The following ROBO2 variants were observed in gnomAD, a reference collection of about 807,000 sequenced individuals.
ROBO2 encodes the protein roundabout homolog 2.
In ROBO2, 53 loss-of-function variants were observed where a neutral mutation model predicts 160.8. That is an observed-to-expected ratio of 0.33 (90% CI 0.26 to 0.41). ROBO2 has a LOEUF of 0.41. ROBO2 is among the 10% of genes least tolerant of loss of function. The pLI, the probability that ROBO2 is intolerant of heterozygous loss-of-function variation, is 1.00. For missense variants in ROBO2, 1,577 were observed against 1,722.4 expected (o/e 0.92, Z 1.49); for synonymous variants, 664 against 611.7 (o/e 1.09, Z -1.26).
chr3:76,289,762 G>T (rs1276221360), intron 2 of ROBO2, among the ~76,000 whole-genome samples: 1 of 152,034 alleles, frequency 6.6e-6, no homozygotes, highest in Non-Finnish European at 1.5e-5. Flanking sequence ...TTTCCCCATT[G>T]GTTGTTATTA....
At chr3:77,048,578 A>T (rs2064919002) in intron 1 of ROBO2, among the ~76,000 whole-genome samples, 1 of 152,228 alleles carries the variant, frequency 6.6e-6, no homozygotes, top group African/African-American at 2.4e-5. Flanking sequence ...TACTGTGGAG[A>T]TAAATCTTGT....
intron 2 of ROBO2, among the ~76,000 whole-genome samples, chr3:76,501,380 CTGTGGAA>C (rs2080455364): frequency 6.6e-6 from 1 of 152,160 alleles, no homozygotes; most frequent in Non-Finnish European, 1.5e-5. Context: ...CAATCCTCTA[CTGTGGAA>C]AGTGGAGGAG....
intron 2 of ROBO2, among the ~76,000 whole-genome samples, chr3:76,135,018 G>T (rs1243883302): frequency 6.6e-6 from 1 of 152,074 alleles, no homozygotes; most frequent in East Asian, 1.9e-4. Flanking sequence ...CAGTCATTTA[G>T]GACCTTACGG....
intron 2 of ROBO2, among the ~76,000 whole-genome samples, chr3:77,309,997 T>A (rs1330413578): frequency 6.6e-6 from 1 of 152,172 alleles, no homozygotes. Context: ...CAGTAGCTCT[T>A]TTTTCCATTA....
In ROBO2 at chr3:76,322,118, A is replaced by C. The variant is rs1048087679; in HGVS notation, c.109+384516A>C. Among the ~76,000 whole-genome samples, 6 of 142,696 alleles carry C rather than the reference A, an allele frequency of 4.2e-5. No homozygotes were observed. In the Admixed American group the frequency reaches 4.4e-4, roughly 10 times the overall value. The allele number at this position is 142,696 out of a possible 152,430, so 93.6% of individuals were successfully genotyped here. A position where few individuals can be genotyped will look rare whatever the true frequency, so the allele number is the denominator to read the frequency against. Reference sequence around the variant, plus strand: ...TGCCTTATATAAAATATCTTGTGCAAATCATCTTCTGAAGTGGTTTATTTG... The same window carrying C: ...TGCCTTATATAAAATATCTTGTGCACATCATCTTCTGAAGTGGTTTATTTG... On this transcript the variant is annotated intron_variant, in intron 2 of 26. Transcript: ENST00000487694.
chr3:76,992,384 A>T, intron 2 of ROBO2, among the ~76,000 whole-genome samples: 1 of 139,548 alleles, frequency 7.2e-6, no homozygotes, highest in East Asian at 2.1e-4. Flanking sequence ...TAGCTTTTGT[A>T]AAAAAAAAGT....
intron 2 of ROBO2, among the ~76,000 whole-genome samples, chr3:77,018,275 G>A (rs1264780769): frequency 2.0e-5 from 3 of 151,916 alleles, no homozygotes; most frequent in South Asian, 4.2e-4. Flanking sequence ...GGTAGAGATG[G>A]GGTTTCACTA....
intron 2 of ROBO2, among the ~76,000 whole-genome samples, chr3:76,525,163 T>G (rs1043687641): frequency 1.8e-4 from 27 of 151,776 alleles, no homozygotes; most frequent in African/African-American, 6.3e-4. Flanking sequence ...TACATAGAGC[T>G]TCTAGTACAT....
At chr3:76,219,033 G>C (rs1703768015) in intron 2 of ROBO2, among the ~76,000 whole-genome samples, 1 of 152,148 alleles carries the variant, frequency 6.6e-6, no homozygotes, top group Non-Finnish European at 1.5e-5. Flanking sequence ...TCTGGTCTTT[G>C]ACAAACTTGA....
intron 5 of ROBO2, among the ~76,000 whole-genome samples, chr3:77,509,890 G>A (rs1407963580): frequency 6.6e-6 from 1 of 152,004 alleles, no homozygotes; most frequent in African/African-American, 2.4e-5. Context: ...GAAATCTAGA[G>A]GTATAAGTAG....
chr3:76,854,111 G>T (rs1160695955), intron 2 of ROBO2, among the ~76,000 whole-genome samples: 1 of 142,158 alleles, frequency 7.0e-6, no homozygotes, highest in African/African-American at 2.6e-5. Context: ...ATTATAGCAT[G>T]TTATACCTAA....
At chr3:76,078,415 G>C (rs1200076953) in intron 2 of ROBO2, among the ~76,000 whole-genome samples, 2 of 152,044 alleles carry the variant, frequency 1.3e-5, no homozygotes, top group East Asian at 1.9e-4. Context: ...CCCCAGGCTG[G>C]AGTGCAATAG....
exon 26 of ROBO2, chr3:77,649,413 T>A (rs1022577809): frequency 2.0e-5 from 3 of 152,152 alleles, no homozygotes; most frequent in Non-Finnish European, 2.9e-5. Flanking sequence ...ATGATAACAG[T>A]ACCATTGAAC....
rs567601181 is a variant in ROBO2 at position 76,477,982 on chromosome 3, A to G, written c.109+540380A>G. On this transcript the variant is annotated intron_variant, in intron 2 of 26. Transcript: ENST00000487694. ...CAAAAAACTTCTCAGCCTTTCCCCA[A>G]GTTAATTCCTCCAATCAGATAAGTA... Among the ~76,000 whole-genome samples the G allele has an allele frequency of 3.3e-5, 5 of 151,964 alleles. No individual in the cohort carries two copies. In the South Asian group the frequency reaches 1.0e-3, roughly 32 times the overall value.
At chr3:76,336,564 C>G (rs2073903573) in intron 2 of ROBO2, among the ~76,000 whole-genome samples, 2 of 152,170 alleles carry the variant, frequency 1.3e-5, no homozygotes, top group African/African-American at 4.8e-5. Flanking sequence ...GCCTAATTCA[C>G]AATGTTTCTG....
At chr3:75,958,585 C>T (rs550287530) in intron 2 of ROBO2, among the ~76,000 whole-genome samples, 1 of 151,694 alleles carries the variant, frequency 6.6e-6, no homozygotes, top group African/African-American at 2.4e-5. Context: ...GAAACTGATG[C>T]AGGAGGGGGC....
At chr3:77,197,177 T>C (rs942539488) in intron 2 of ROBO2, among the ~76,000 whole-genome samples, 1 of 152,206 alleles carries the variant, frequency 6.6e-6, no homozygotes, top group Admixed American at 6.5e-5. Flanking sequence ...CAATCCCATT[T>C]TGAAATCTCA....
At chr3:76,723,496 A>G (rs905985543) in intron 2 of ROBO2, among the ~76,000 whole-genome samples, 12 of 152,214 alleles carry the variant, frequency 7.9e-5, no homozygotes, top group African/African-American at 2.9e-4. Context: ...GAGGCAACAC[A>G]GTTTCCTTAC....
intron 13 of ROBO2, among the ~76,000 whole-genome samples, chr3:77,571,777 T>A (rs1434070502): frequency 6.6e-6 from 1 of 152,072 alleles, no homozygotes; most frequent in African/African-American, 2.4e-5. Flanking sequence ...AATGACCACC[T>A]GTCAAAATGA....
Sources: allele counts gnomAD v4.1 joint callset (sites outside exome capture counted in the v4.1 genomes callset), GRCh38; gene constraint gnomAD v4.1.1; transcripts MANE v1.5; gene names NCBI Gene and HGNC (gene_info 2026-07-23, HGNC 2026-07-21).